The following TNRC18 variants were observed in gnomAD, a reference collection of about 807,000 sequenced individuals.
The protein encoded by TNRC18 is trinucleotide repeat containing 18, also known as trinucleotide repeat-containing gene 18 protein.
A neutral mutation model predicts 226.7 loss-of-function variants in TNRC18; 69 were observed. That is an observed-to-expected ratio of 0.30 (90% CI 0.25 to 0.37). The LOEUF (loss-of-function observed/expected upper bound fraction) is 0.37. Among genes scored for constraint, TNRC18 ranks in the 10% least tolerant of loss-of-function variants. The pLI is 1.00. For missense variants in TNRC18, 4,754 were observed against 4,256.6 expected, an observed-to-expected ratio of 1.12 and a Z score of -3.25; for synonymous variants, 2,449 against 1,927.6, an observed-to-expected ratio of 1.27 and a Z score of -7.09.
intron 5 of TNRC18, among the ~76,000 whole-genome samples, chr7:5,387,151 TA>T (rs1779851432): frequency 6.6e-6 from 1 of 152,234 alleles, no homozygotes; most frequent in Non-Finnish European, 1.5e-5. Flanking sequence ...TACAGGCACG[TA>T]AACTCTCTAC....
At position 5,332,696 on chromosome 7, in the gene TNRC18, G is replaced by A. The variant is rs1474305625; in HGVS notation, c.6073C>T (p.Arg2025Cys). 6.5e-6 allele frequency: 10 copies of A among 1,530,860 alleles called. No homozygotes were observed. In the Admixed American group the frequency reaches 1.2e-4, roughly 19 times the overall value. 94.8% of individuals were successfully genotyped at this position (1,530,860 alleles called of 1,614,324 possible). The change falls in exon 19 of 30, where the codon CGC becomes TGC. Residue 2025 changes from arginine (R) to cysteine (C), a missense_variant. Transcript: ENST00000430969. Reference sequence around the variant, plus strand: ...CTCAGGGGGCCGCCCTTGGCGCAGCGGCTGGTCTTGGTGGCGGGCGCGGTG... The same window carrying A: ...CTCAGGGGGCCGCCCTTGGCGCAGCAGCTGGTCTTGGTGGCGGGCGCGGTG... ...VSTAPATKTS[R>C]CAKGGPLSPR...
chr7:5,350,446 G>GGGGCAGC (rs1334966786), intron 17 of TNRC18, among the ~76,000 whole-genome samples: 7 of 139,582 alleles, frequency 5.0e-5, no homozygotes, highest in African/African-American at 1.8e-4. Context: ...GCGGGGGGCG[G>GGGGCAGC]GGGCAGCATT....
chr7:5,412,474 G>T (rs1562638765), intron 2 of TNRC18, among the ~76,000 whole-genome samples: 1 of 151,982 alleles, frequency 6.6e-6, no homozygotes, highest in Non-Finnish European at 1.5e-5. Context: ...TACTTGGGAG[G>T]CTGAGGCAGG....
chr7:5,400,352 G>A (rs1780997629), intron 2 of TNRC18, among the ~76,000 whole-genome samples: 1 of 151,902 alleles, frequency 6.6e-6, no homozygotes, highest in Non-Finnish European at 1.5e-5. Flanking sequence ...GCTCATGCCT[G>A]TAATCACAGC....
At chr7:5,362,371 G>GC (rs1793141323) in intron 12 of TNRC18, among the ~76,000 whole-genome samples, 1 of 151,934 alleles carries the variant, frequency 6.6e-6, no homozygotes, top group Non-Finnish European at 1.5e-5. Context: ...GGCACCTAAG[G>GC]CCAGAGCTAC....
chr7:5,409,727 C>T (rs1781716038), intron 2 of TNRC18, among the ~76,000 whole-genome samples: 1 of 151,612 alleles, frequency 6.6e-6, no homozygotes, highest in African/African-American at 2.4e-5. Flanking sequence ...CTTGTAATCC[C>T]AGACTTTGGG....
chr7:5,326,859 T>A (rs1320062742), intron 19 of TNRC18, among the ~76,000 whole-genome samples: 2 of 148,096 alleles, frequency 1.4e-5, no homozygotes, highest in Non-Finnish European at 3.0e-5. Context: ...GTGCAGTGGC[T>A]CCTGCCTGTA....
At chr7:5,361,313 C>T (rs2128160424) in intron 14 of TNRC18, among the ~76,000 whole-genome samples, 1 of 152,338 alleles carries the variant, frequency 6.6e-6, no homozygotes. Flanking sequence ...GAATTAGGCC[C>T]TAGGCGTGAG....
At chr7:5,422,849 G>A (rs1026688592) in intron 1 of TNRC18, 4 of 152,244 alleles carry the variant, frequency 2.6e-5, no homozygotes, top group African/African-American at 9.6e-5. Context: ...CCACATCCGA[G>A]GATACATGTC....
In TNRC18 at chr7:5,390,540, G is replaced by A; in HGVS notation, c.432C>T (p.Ser144=). The A allele has an allele frequency of 1.9e-6, 3 of 1,613,692 alleles. No homozygotes were observed. The highest frequency in any genetic ancestry group is 1.3e-5 in the African/African-American group (1 of 75,018). ...EPPSSGSPLL[S]QLGQPSIFDT... ...CGAAAATGCTGGGCTGACCCAGCTG[G>A]CTGAGGAGGGGGCTCCCACTGCTGG... The change falls in exon 4 of 30, where the codon AGC becomes AGT. Residue 144 remains serine (S), a synonymous_variant. Transcript: ENST00000430969.
intron 18 of TNRC18, among the ~76,000 whole-genome samples, chr7:5,344,047 A>T (rs1245094287): frequency 1.3e-5 from 2 of 152,248 alleles, no homozygotes; most frequent in African/African-American, 4.8e-5. Context: ...ATGAAAAAGG[A>T]GACATCACTA....
chr7:5,422,612 T>A (rs1295447473), intron 1 of TNRC18, among the ~76,000 whole-genome samples: 8 of 151,954 alleles, frequency 5.3e-5, no homozygotes, highest in Admixed American at 5.2e-4. Flanking sequence ...GGCTCCCGGG[T>A]GCCCGCCCGG....
rs1459734881 is a variant in TNRC18, at chr7:5,387,693, G to C, written c.2131C>G (p.Leu711Val). ...GPGLVDQERSLSLSNVKGHGR... is the reference protein window; with the variant it reads ...GPGLVDQERSVSLSNVKGHGR... ...CTACCTTTGACGTTACTCAGCGACA[G>C]AGAGCGCTCCTGGTCTACCAGCCCA... Residue 711 changes from leucine (L) to valine (V), a missense_variant, in exon 5 of 30, where the codon CTG (leucine) becomes GTG (valine). Physicochemically the swap from Leu to Val is conservative, Grantham distance 32 (BLOSUM62 1). Transcript: ENST00000430969. 2.5e-6 allele frequency: 4 copies of C among 1,604,874 alleles called. No homozygotes were observed. In the African/African-American group the frequency reaches 5.3e-5, roughly 21 times the overall value.
rs767946208 is a variant in TNRC18, at chr7:5,376,953, C to G, written c.2502G>C (p.Ala834=). The G allele has an allele frequency of 3.8e-6, 6 of 1,591,844 alleles. No homozygotes were observed. Among genetic ancestry groups the G allele is most frequent in the East Asian group, 2.3e-5 (1 of 43,930 alleles). ...GGGAGCCCCCCAGGCCAGGTGGGAA[C>G]GCAGGGGCCATGCCCTGGTGCAGAG... ...PPSLHQGMAP[A]FPPGLGGSLP... Residue 834 remains alanine (A), a synonymous_variant, in exon 8 of 30, where the codon GCG becomes GCC. Coordinates refer to ENST00000430969, the MANE Select transcript of TNRC18 (RefSeq NM_001080495.3).
rs748352720 is a variant in TNRC18 at position 5,387,967 on chromosome 7, C to T, written c.1857G>A (p.Met619Ile). ...CAGAGGTGGGCGCAGGCTCGGGTTTCATGGTGCCCAAACCTCCAAAGGGGC... is the reference window on the plus strand; with the variant it reads ...CAGAGGTGGGCGCAGGCTCGGGTTTTATGGTGCCCAAACCTCCAAAGGGGC... ...KKSPFGGLGT[M>I]KPEPAPTSAG... Residue 619 changes from methionine (M) to isoleucine (I), a missense_variant, in exon 5 of 30, where the codon ATG (methionine) becomes ATA (isoleucine). Transcript: ENST00000430969. The T allele has an allele frequency of 6.3e-7, 1 of 1,596,828 alleles. No homozygotes were observed. The highest frequency in any genetic ancestry group is 8.5e-7 in the Non-Finnish European group (1 of 1,172,948).
intron 2 of TNRC18, among the ~76,000 whole-genome samples, chr7:5,400,035 G>A (rs578149655): frequency 6.6e-6 from 1 of 151,974 alleles, no homozygotes; most frequent in East Asian, 1.9e-4. Context: ...GACTGCAGGT[G>A]TGCACCACCA....
chr7:5,366,623 C>T (rs903477285), intron 11 of TNRC18, among the ~76,000 whole-genome samples: 3 of 152,250 alleles, frequency 2.0e-5, no homozygotes, highest in Admixed American at 6.5e-5. Context: ...CGCGGCTGGC[C>T]GCTCTTCTTA....
chr7:5,370,651 G>C lies in TNRC18; in HGVS notation c.3943C>G (p.Pro1315Ala). The C allele has an allele frequency of 6.2e-7, 1 of 1,612,932 alleles. No individual in the cohort carries two copies. The highest frequency in any genetic ancestry group is 1.7e-5 in the Admixed American group (1 of 59,980). Residue 1315 changes from proline to alanine, a missense_variant, in exon 11 of 30, where the codon CCT (proline) becomes GCT (alanine). Transcript: ENST00000430969. ...AGGAAGCAGGTGCTGCCGAGTACAG[G>C]CACGGCCTCTTGGGGCTCCAGGCTC... ...CPSLEPQEAV[P>A]VLGSTCFLEE...
chr7:5,332,942 G>C lies in TNRC18; in HGVS notation c.5827C>G (p.Leu1943Val). ...KKGLGEPGPS[L>V]AAPTPGARGP... ...CGGGCGCCAGGCGTGGGTGCGGCCA[G>C]GGAGGGTCCCGGCTCCCCCAGCCCC... is the stretch of plus-strand genomic sequence containing the variant. Residue 1943 changes from leucine to valine, a missense_variant, in exon 19 of 30, where the codon CTG (leucine) becomes GTG (valine). By Grantham distance (32) the Leu-to-Val change is conservative. Coordinates refer to ENST00000430969, the MANE Select transcript of TNRC18 (RefSeq NM_001080495.3). The C allele has an allele frequency of 6.4e-7, 1 of 1,551,468 alleles. No individual in the cohort carries two copies. Among genetic ancestry groups the C allele is most frequent in the South Asian group, 1.2e-5 (1 of 85,298 alleles).
Sources: allele counts gnomAD v4.1 joint callset (sites outside exome capture counted in the v4.1 genomes callset), GRCh38; gene constraint gnomAD v4.1.1; transcripts MANE v1.5; gene names NCBI Gene and HGNC (gene_info 2026-07-23, HGNC 2026-07-21).